The following EPN1 variants were observed in gnomAD, a reference collection of about 807,000 sequenced individuals.
EPN1 encodes epsin-1.
A neutral mutation model predicts 56.9 loss-of-function variants in EPN1; 25 were observed. That is an observed-to-expected ratio of 0.44 (90% confidence interval 0.32 to 0.61). The LOEUF is 0.61. Ranked by LOEUF, EPN1 falls within the 20% of genes least tolerant of loss-of-function variation. The pLI, the probability that EPN1 is intolerant of heterozygous loss-of-function variation, is 0.05. For synonymous variants in EPN1, 411 were observed against 361.8 expected (o/e 1.14, Z -1.54); for missense variants, 785 against 823.7 (o/e 0.95, Z 0.58).
rs1354990658 is a variant in EPN1 at position 55,700,292 on chromosome 19, T to A, written c.*4936T>A. 4.0e-5 allele frequency: 6 copies of A among 148,922 alleles called. No individual in the cohort carries two copies. The highest frequency in any genetic ancestry group is 1.3e-4 in the Admixed American group (2 of 15,076). 9.2% of individuals were successfully genotyped at this position (148,922 alleles called of 1,614,324 possible). On this transcript the variant is annotated 3_prime_UTR_variant, in exon 11 of 11. Coordinates refer to ENST00000270460, the MANE Select transcript of EPN1 (RefSeq NM_001130072.2). ...TTCCTTATTATTATTATTTATTTTT[T>A]TTTTGAGATGGAGTCTTGCTCTCGT...
At chr19:55,687,848 G>C (rs1986269369) in intron 3 of EPN1, among the ~76,000 whole-genome samples, 1 of 152,198 alleles carries the variant, frequency 6.6e-6, no homozygotes. Context: ...CACCACACGG[G>C]GGCCAGCCTG....
chr19:55,675,986 G>T (rs1418285259), intron 1 of EPN1, among the ~76,000 whole-genome samples: 1 of 152,116 alleles, frequency 6.6e-6, no homozygotes, highest in African/African-American at 2.4e-5. Flanking sequence ...TGAGTCTCTG[G>T]TGTGATGGTG....
chr19:55,684,688 G>A (rs1224387569), intron 2 of EPN1, among the ~76,000 whole-genome samples: 1 of 152,178 alleles, frequency 6.6e-6, no homozygotes, highest in Non-Finnish European at 1.5e-5. Context: ...GCTCCAGGCT[G>A]TTAGTACCAG....
Position 55,695,225 on chromosome 19 carries a change from C to A in EPN1, c.1600C>A (p.Arg534Ser), listed in dbSNP as rs368790286. 6.2e-7 allele frequency: 1 copy of A among 1,613,286 alleles called. No homozygotes were observed. The highest frequency in any genetic ancestry group is 1.7e-5 in the Admixed American group (1 of 60,026). The change falls in exon 11 of 11, where the codon CGT becomes AGT. Residue 534 changes from arginine (R) to serine (S), a missense_variant. Around this residue, in one of 2 missense-constraint regions of EPN1, gnomAD observed 650 missense variants for 605.0 expected, o/e 1.07. Transcript: ENST00000270460. The surrounding 1 kb of genome is among the most constrained non-coding windows in gnomAD (Gnocchi z 4.4). ...CGCGACGCTCACCCTGAACCAGCTC[C>A]GTCTCAGTCCTGTGCCTCCCGTCCC... ...PPATLTLNQLRLSPVPPVPGA... is the reference protein window; with the variant it reads ...PPATLTLNQLSLSPVPPVPGA...
rs1291651370 is a variant in EPN1, at chr19:55,699,426, G to A, written c.*4070G>A. ...TCTGTCTCTGTGATGACTGTGGGTT[G>A]TCCAGCTCATCCCTCAAGCGCCATC... On this transcript the variant is annotated 3_prime_UTR_variant, in exon 11 of 11. Coordinates refer to ENST00000270460, the MANE Select transcript of EPN1 (RefSeq NM_001130072.2). 6.6e-6 allele frequency: 1 copy of A among 152,184 alleles called. No individual in the cohort carries two copies. Among genetic ancestry groups the A allele is most frequent in the Non-Finnish European group, 1.5e-5 (1 of 68,052 alleles). The allele number at this position is 152,184 out of a possible 1,614,324, so 9.4% of individuals were successfully genotyped here.
At chr19:55,680,783 G>A (rs1473739044) in intron 2 of EPN1, 1 of 152,578 alleles carries the variant, frequency 6.6e-6, no homozygotes, top group Non-Finnish European at 1.5e-5. Context: ...CGGGTGATGA[G>A]GACAACCCCA....
intron 1 of EPN1, among the ~76,000 whole-genome samples, chr19:55,676,296 T>G (rs1341578135): frequency 6.6e-6 from 1 of 151,902 alleles, no homozygotes; most frequent in Non-Finnish European, 1.5e-5. Flanking sequence ...ATTGGAGTAC[T>G]CCTTGGAGAA....
Position 55,705,688 on chromosome 19 carries a change from G to A in EPN1, c.*10332G>A, listed in dbSNP as rs554747842. 1.3e-5 allele frequency: 2 copies of A among 152,090 alleles called. No homozygotes were observed. Among genetic ancestry groups the A allele is most frequent in the Admixed American group, 1.3e-4 (2 of 15,276 alleles). The allele number at this position is 152,090 out of a possible 1,614,324, so 9.4% of individuals were successfully genotyped here. A position where few individuals can be genotyped will look rare whatever the true frequency, so the allele number is the denominator to read the frequency against. The stretch of plus-strand genomic sequence containing the variant: ...TATCCCCGAACATTATCAGAGTCAA[G>A]TTAATAAAGGCCAAAGGTAGAGAAA... On this transcript the variant is annotated 3_prime_UTR_variant, in exon 11 of 11. Coordinates refer to ENST00000270460, the MANE Select transcript of EPN1 (RefSeq NM_001130072.2).
rs1281125836 is a variant in EPN1, at chr19:55,705,155, C to CTAT, written c.*9802_*9804dup. 6.6e-6 allele frequency: 1 copy of CTAT among 152,240 alleles called. No homozygotes were observed. The highest frequency in any genetic ancestry group is 2.4e-5 in the African/African-American group (1 of 41,450). 9.4% of individuals were successfully genotyped at this position (152,240 alleles called of 1,614,324 possible). ...GAGTAAGCTCTGACCCAATCATTGA[C>CTAT]TATTAAACTTCAGAGGTCCATGGAG... On this transcript the variant is annotated 3_prime_UTR_variant, in exon 11 of 11. Transcript: ENST00000270460.
Position 55,692,931 on chromosome 19 carries a change from A to C in EPN1, c.1178-20A>C, listed in dbSNP as rs1568578531. ...GCGGGGCCCCAGGGAGGGGCTGAGC[A>C]GAACATCCTGACCCCACAGCAGCCG... On this transcript the variant is annotated intron_variant, in intron 8 of 10. Transcript: ENST00000270460. 3 of 1,612,802 alleles carry C rather than the reference A, an allele frequency of 1.9e-6. No homozygotes were observed. Among genetic ancestry groups the C allele is most frequent in the Non-Finnish European group, 2.5e-6 (3 of 1,179,370 alleles).
Position 55,695,417 on chromosome 19 carries a change from A to G in EPN1, c.*61A>G. ...CCCCATTCCGGCTCCCTGGGAGATC[A>G]GTGTTGTGAGTGCATGTGAAATGGG... On this transcript the variant is annotated 3_prime_UTR_variant, in exon 11 of 11. Coordinates refer to ENST00000270460, the MANE Select transcript of EPN1 (RefSeq NM_001130072.2). This position sits in a 1 kb window ranked among gnomAD's most constrained non-coding sequence, Gnocchi z 4.4. The G allele has an allele frequency of 1.1e-6, 1 of 875,924 alleles. No homozygotes were observed. Among genetic ancestry groups the G allele is most frequent in the Non-Finnish European group, 1.7e-6 (1 of 575,002 alleles). The allele number at this position is 875,924 out of a possible 1,614,324, so 54.3% of individuals were successfully genotyped here.
At chr19:55,677,164 C>T in intron 1 of EPN1, 3 of 1,551,438 alleles carry the variant, frequency 1.9e-6, no homozygotes, top group South Asian at 2.4e-5. Flanking sequence ...CTTCTTGGAG[C>T]CGCATAGATG....
intron 1 of EPN1, among the ~76,000 whole-genome samples, chr19:55,676,004 C>G (rs977533921): frequency 3.3e-5 from 5 of 152,142 alleles, no homozygotes; most frequent in Non-Finnish European, 7.3e-5. Context: ...GTGAAGAGCC[C>G]CAGCCTTGGA....
intron 2 of EPN1, among the ~76,000 whole-genome samples, chr19:55,682,218 C>T (rs1985864295): frequency 6.6e-6 from 1 of 152,234 alleles, no homozygotes; most frequent in Admixed American, 6.5e-5. Context: ...GTGTAGCCTT[C>T]ACCTAGAGGG....
chr19:55,692,233 T>G, intron 7 of EPN1, among the ~76,000 whole-genome samples, 176 bp downstream of exon 7: 1 of 148,990 alleles, frequency 6.7e-6, no homozygotes, highest in African/African-American at 2.5e-5. Flanking sequence ...ACAGGGTGTG[T>G]GAGATTGTGC....
At position 55,695,701 on chromosome 19, in the gene EPN1, C is replaced by G; in HGVS notation, c.*345C>G. 2 of 289,994 alleles carry G rather than the reference C, an allele frequency of 6.9e-6. No homozygotes were observed. Among genetic ancestry groups the G allele is most frequent in the Admixed American group, 9.6e-5 (2 of 20,934 alleles). 18.0% of individuals were successfully genotyped at this position (289,994 alleles called of 1,614,324 possible). The stretch of plus-strand genomic sequence containing the variant: ...CCCCTCACGCACCCGCTCACGCACC[C>G]TCGGTGAATCCTTGGTGATGATTTT... On this transcript the variant is annotated 3_prime_UTR_variant, in exon 11 of 11. Transcript: ENST00000270460. The surrounding 1 kb of genome is among the most constrained non-coding windows in gnomAD (Gnocchi z 4.4).
chr19:55,678,960 G>A (rs1985621040), intron 2 of EPN1, 105 bp downstream of exon 2: 3 of 728,350 alleles, frequency 4.1e-6, no homozygotes, highest in South Asian at 3.7e-5. Context: ...TTCTCAAGAG[G>A]AACTGGAGAA....
At position 55,708,849 on chromosome 19, in the gene EPN1, G is replaced by C. The variant is rs542986968; in HGVS notation, c.*13493G>C. 6.2e-5 allele frequency: 78 copies of C among 1,250,972 alleles called. No individual in the cohort carries two copies. The African/African-American group carries it at 8.2e-4, about 13-fold the overall frequency. The allele number at this position is 1,250,972 out of a possible 1,614,324, so 77.5% of individuals were successfully genotyped here. ...GTGCAATTACAGGATAGAGGTGCCA[G>C]GTGAAGGTCCCACTGTGGCCAAGGA... On this transcript the variant is annotated 3_prime_UTR_variant, in exon 11 of 11. Transcript: ENST00000270460.
In EPN1 at chr19:55,706,678, A is replaced by G. The variant is rs1392868228; in HGVS notation, c.*11322A>G. ...GAAAGAAAGAAAAGAGGGGAAGGGA[A>G]GGGAGAGATTTAAAAAACAATAGTA... On this transcript the variant is annotated 3_prime_UTR_variant, in exon 11 of 11. Transcript: ENST00000270460. 1 of 151,164 alleles carries G rather than the reference A, an allele frequency of 6.6e-6. No homozygotes were observed. The highest frequency in any genetic ancestry group is 2.4e-5 in the African/African-American group (1 of 40,958). 9.4% of individuals were successfully genotyped at this position (151,164 alleles called of 1,614,324 possible).
Sources: allele counts gnomAD v4.1 joint callset (sites outside exome capture counted in the v4.1 genomes callset), GRCh38; gene constraint gnomAD v4.1.1; regional missense constraint gnomAD v4.1.1; non-coding constraint Gnocchi (gnomAD v3.1); transcripts MANE v1.5; gene names NCBI Gene and HGNC (gene_info 2026-07-23, HGNC 2026-07-21).